The following ANTXR2 variants were observed in gnomAD, a reference collection of about 807,000 sequenced individuals.
ANTXR2 encodes the protein anthrax toxin receptor 2.
A neutral mutation model predicts 73.7 loss-of-function variants in ANTXR2; 44 were observed. The observed-to-expected ratio is 0.60, with a 90% CI of 0.47 to 0.77. ANTXR2 has a LOEUF of 0.77. Among genes scored for constraint, ANTXR2 ranks in the 30% least tolerant of loss-of-function variants. The probability of loss-of-function intolerance (pLI) is 0.00; values close to 1 mark genes in which losing one functional copy is unlikely to be tolerated. For missense variants in ANTXR2, 604 were observed against 592.5 expected (o/e 1.02, Z -0.20); for synonymous variants, 217 against 205.9 (o/e 1.05, Z -0.46).
chr4:79,902,007 T>G lies in ANTXR2; in HGVS notation c.*5422A>C, dbSNP rs1726723656. On this transcript the variant is annotated 3_prime_UTR_variant, in exon 17 of 17. Transcript: ENST00000403729. ...CTAACAGGCCATGGACCAGTACCAG[T>G]CCATGACCTGGGGGATGGGATCCCT... The G allele has an allele frequency of 6.6e-6, 1 of 152,132 alleles. No individual in the cohort carries two copies. The allele number at this position is 152,132 out of a possible 1,614,324, so 9.4% of individuals were successfully genotyped here.
At chr4:80,029,606 T>C (rs1440384988) in intron 10 of ANTXR2, among the ~76,000 whole-genome samples, 6 of 151,790 alleles carry the variant, frequency 4.0e-5, no homozygotes, top group Non-Finnish European at 8.8e-5. Context: ...AGTAGAAACA[T>C]AATAACAGAC....
chr4:79,986,562 T>C (rs1308006169), intron 12 of ANTXR2, among the ~76,000 whole-genome samples: 2 of 152,134 alleles, frequency 1.3e-5, no homozygotes, highest in Non-Finnish European at 2.9e-5. Flanking sequence ...TAAAGAAAGA[T>C]TGACAATAAT....
intron 12 of ANTXR2, among the ~76,000 whole-genome samples, chr4:79,999,696 T>C (rs1730925758): frequency 6.6e-6 from 1 of 152,112 alleles, no homozygotes; most frequent in Non-Finnish European, 1.5e-5. Context: ...TAAGCTCTTG[T>C]AATAAGTTTA....
chr4:80,047,382 G>A (rs1733568441), intron 7 of ANTXR2, among the ~76,000 whole-genome samples: 1 of 151,640 alleles, frequency 6.6e-6, no homozygotes, highest in Non-Finnish European at 1.5e-5. Context: ...TAGAATATAT[G>A]TCAAAATATT....
At chr4:79,908,515 TTCA>T in intron 16 of ANTXR2, among the ~76,000 whole-genome samples, 1 of 152,294 alleles carries the variant, frequency 6.6e-6, no homozygotes, top group East Asian at 1.9e-4. Flanking sequence ...ATTTGAAAAT[TTCA>T]GAAATTAGTG....
At chr4:79,990,814 C>T (rs752080290) in intron 12 of ANTXR2, among the ~76,000 whole-genome samples, 67 of 152,120 alleles carry the variant, frequency 4.4e-4, no homozygotes, top group Non-Finnish European at 7.2e-4. Flanking sequence ...CACACACCTA[C>T]GACCATCTGA....
intron 16 of ANTXR2, among the ~76,000 whole-genome samples, chr4:79,946,563 G>A (rs111378831): frequency 1.2e-4 from 19 of 152,194 alleles, no homozygotes; most frequent in African/African-American, 4.6e-4. Flanking sequence ...ATCTTGGGTG[G>A]AGGGGAATTT....
intron 10 of ANTXR2, among the ~76,000 whole-genome samples, chr4:80,029,265 G>T (rs544477831): frequency 1.3e-5 from 2 of 152,112 alleles, no homozygotes; most frequent in South Asian, 4.2e-4. Context: ...CAGGCATAAT[G>T]CATTTTATAA....
At position 79,920,059 on chromosome 4, in the gene ANTXR2, C is replaced by G. The variant is rs115868613; in HGVS notation, c.1429-12592G>C. 4.9e-3 allele frequency among the ~76,000 whole-genome samples: 740 copies of G among 151,350 alleles called. 6 individuals carry two copies. Among genetic ancestry groups the G allele is most frequent in the African/African-American group, 0.017 (705 of 41,260 alleles). ...ATGCTAAGTGGGAATTATAAATATA[C>G]TATTAACTCACCATTTTTTTCCCAA... On this transcript the variant is annotated intron_variant, in intron 16 of 16. Coordinates refer to ENST00000403729, the MANE Select transcript of ANTXR2 (RefSeq NM_058172.6).
intron 1 of ANTXR2, among the ~76,000 whole-genome samples, 170 bp downstream of exon 1, chr4:80,072,239 G>A (rs571328718): frequency 6.6e-6 from 1 of 152,154 alleles, no homozygotes; most frequent in East Asian, 1.9e-4. Flanking sequence ...GCTGATCTCC[G>A]CCCACACAGA....
At chr4:79,991,632 A>G (rs1330586857) in intron 12 of ANTXR2, among the ~76,000 whole-genome samples, 1 of 152,054 alleles carries the variant, frequency 6.6e-6, no homozygotes, top group East Asian at 1.9e-4. Context: ...AAATCGTTCT[A>G]CCAAAGACAT....
Position 80,033,497 on chromosome 4 carries a change from G to A in ANTXR2, c.771C>T (p.Tyr257=), listed in dbSNP as rs201698217. 2.6e-4 allele frequency: 423 copies of A among 1,599,946 alleles called. 1 individual carries two copies. In the African/African-American group the frequency reaches 4.8e-3, roughly 18 times the overall value. Residue 257 remains tyrosine, a synonymous_variant, in exon 9 of 17, where the codon TAC becomes TAT. Transcript: ENST00000403729. The stretch of plus-strand genomic sequence containing the variant: ...TCGTTGTATATGTTTCATTTACAGT[G>A]TAAGTGCAGAGAACACTGCCATTCC... ...GSRNGSVLCT[Y]TVNETYTTSV...
At chr4:80,042,532 C>A (rs1292649592) in intron 7 of ANTXR2, among the ~76,000 whole-genome samples, 1 of 151,976 alleles carries the variant, frequency 6.6e-6, no homozygotes, top group African/African-American at 2.4e-5. Flanking sequence ...GCTAGACACA[C>A]ACAGTTACTT....
chr4:79,966,762 T>C (rs1296718511), intron 16 of ANTXR2, among the ~76,000 whole-genome samples: 2 of 152,200 alleles, frequency 1.3e-5, no homozygotes, highest in Non-Finnish European at 1.5e-5. Flanking sequence ...TATTTTTATG[T>C]TTACATTATT....
At chr4:79,934,856 AC>A (rs1560879970) in intron 16 of ANTXR2, among the ~76,000 whole-genome samples, 1 of 151,030 alleles carries the variant, frequency 6.6e-6, no homozygotes, top group African/African-American at 2.4e-5. Flanking sequence ...AAAAAAAAAA[AC>A]TGTCTACTCA....
chr4:79,967,293 T>C (rs1729410982), intron 16 of ANTXR2, among the ~76,000 whole-genome samples: 1 of 51,056 alleles, frequency 2.0e-5, no homozygotes, highest in African/African-American at 6.2e-5. Context: ...CGCTGATTGC[T>C]AGCACAGCAG....
chr4:80,019,572 A>G (rs192953572), intron 10 of ANTXR2, among the ~76,000 whole-genome samples: 10 of 152,344 alleles, frequency 6.6e-5, no homozygotes, highest in South Asian at 4.1e-4. Context: ...ACAAAAACCT[A>G]CAAAGAAAGA....
chr4:79,976,692 C>T (rs138333708), intron 16 of ANTXR2, among the ~76,000 whole-genome samples: 2 of 152,326 alleles, frequency 1.3e-5, no homozygotes, highest in East Asian at 1.9e-4. Context: ...TATGCACTGT[C>T]GCTTCAACAA....
intron 3 of ANTXR2, among the ~76,000 whole-genome samples, chr4:80,066,773 A>G (rs1267021123): frequency 6.6e-6 from 1 of 152,236 alleles, no homozygotes; most frequent in African/African-American, 2.4e-5. Context: ...AGATGAAAAA[A>G]GAAGAAGCAT....
Sources: allele counts gnomAD v4.1 joint callset (sites outside exome capture counted in the v4.1 genomes callset), GRCh38; gene constraint gnomAD v4.1.1; transcripts MANE v1.5; gene names NCBI Gene and HGNC (gene_info 2026-07-23, HGNC 2026-07-21).